The following IMMP2L variants were observed in gnomAD, a reference collection of about 807,000 sequenced individuals.
IMMP2L encodes the protein inner mitochondrial membrane peptidase subunit 2.
A neutral mutation model predicts 19.3 loss-of-function variants in IMMP2L; 18 were observed. That is an observed-to-expected ratio of 0.93 (90% CI 0.64 to 1.38). The LOEUF is 1.38. Among genes scored for constraint, IMMP2L ranks in the 40% most tolerant of loss-of-function variants. IMMP2L has a pLI of 0.00. For missense variants in IMMP2L, 233 were observed against 218.2 expected (o/e 1.07, Z -0.43); for synonymous variants, 76 against 73.0 (o/e 1.04, Z -0.21).
intron 3 of IMMP2L, among the ~76,000 whole-genome samples, chr7:111,050,288 T>C (rs1259697126): frequency 6.6e-6 from 1 of 152,180 alleles, no homozygotes; most frequent in Non-Finnish European, 1.5e-5. Flanking sequence ...AAATTCACCA[T>C]ATTTAAATTA....
intron 5 of IMMP2L, among the ~76,000 whole-genome samples, chr7:110,735,909 T>TTGGGGC (rs1349252885): frequency 6.7e-6 from 1 of 148,332 alleles, no homozygotes; most frequent in East Asian, 2.0e-4. Context: ...TCAGAGATTG[T>TTGGGGC]TGGGGCTGCC....
chr7:111,030,921 T>G (rs1366651248), intron 3 of IMMP2L, among the ~76,000 whole-genome samples: 1 of 85,440 alleles, frequency 1.2e-5, no homozygotes, highest in Non-Finnish European at 2.5e-5. Context: ...TATATATATA[T>G]ATATAAAATA....
chr7:110,980,227 CTT>C (rs1218434499), intron 3 of IMMP2L, among the ~76,000 whole-genome samples: 5 of 91,896 alleles, frequency 5.4e-5, no homozygotes, highest in South Asian at 3.7e-4. Flanking sequence ...TGTGCTGCTT[CTT>C]TTTTTTTTTT....
At chr7:111,355,781 A>G (rs1193520806) in intron 3 of IMMP2L, among the ~76,000 whole-genome samples, 1 of 151,940 alleles carries the variant, frequency 6.6e-6, no homozygotes, top group African/African-American at 2.4e-5. Flanking sequence ...GAGAACATAC[A>G]ATTAGTCTAT....
intron 3 of IMMP2L, among the ~76,000 whole-genome samples, chr7:111,256,617 A>G (rs867600450): frequency 1.3e-5 from 2 of 152,050 alleles, no homozygotes; most frequent in Admixed American, 6.6e-5. Flanking sequence ...CTATATGTCC[A>G]TTGTTCATAG....
chr7:110,670,405 C>T (rs935716813), intron 5 of IMMP2L, among the ~76,000 whole-genome samples: 10 of 152,088 alleles, frequency 6.6e-5, no homozygotes, highest in Admixed American at 2.6e-4. Context: ...AAAAACGCTA[C>T]GCAGCCGGGT....
intron 3 of IMMP2L, among the ~76,000 whole-genome samples, chr7:111,048,130 C>T (rs1792594958): frequency 1.4e-5 from 2 of 147,672 alleles, no homozygotes; most frequent in South Asian, 4.3e-4. Flanking sequence ...GTCCCAGCTA[C>T]TTGGGAGGCT....
chr7:111,510,269 C>T (rs151032524), intron 2 of IMMP2L, among the ~76,000 whole-genome samples: 1 of 152,226 alleles, frequency 6.6e-6, no homozygotes, highest in East Asian at 1.9e-4. Context: ...AGTGAGTGGA[C>T]TGACTCCACA....
intron 5 of IMMP2L, among the ~76,000 whole-genome samples, chr7:110,733,406 C>T (rs1404767077): frequency 6.6e-6 from 1 of 151,280 alleles, no homozygotes; most frequent in Admixed American, 6.6e-5. Flanking sequence ...ATTTTATTAG[C>T]CAAAATTTAG....
chr7:111,236,019 T>C (rs568680511), intron 3 of IMMP2L, among the ~76,000 whole-genome samples: 1 of 152,152 alleles, frequency 6.6e-6, no homozygotes, highest in Non-Finnish European at 1.5e-5. Context: ...CTCTAGAATA[T>C]AGATTTAAGT....
At chr7:111,292,595 T>C (rs1041398106) in intron 3 of IMMP2L, among the ~76,000 whole-genome samples, 2 of 151,974 alleles carry the variant, frequency 1.3e-5, no homozygotes, top group Non-Finnish European at 2.9e-5. Context: ...GTGTCACTAA[T>C]GAAAAGGAAA....
At chr7:111,459,065 T>C (rs2131988025) in intron 3 of IMMP2L, among the ~76,000 whole-genome samples, 1 of 152,222 alleles carries the variant, frequency 6.6e-6, no homozygotes. Flanking sequence ...TTATTGAAAA[T>C]AGCCACTAAA....
At chr7:110,891,238 G>GA (rs763078332) in intron 4 of IMMP2L, among the ~76,000 whole-genome samples, 4,084 of 97,024 alleles carry the variant, frequency 0.042, 138 homozygotes, top group African/African-American at 0.12. Context: ...GATAGAACCA[G>GA]AAAAAAAAAA....
chr7:110,887,542 T>C (rs1250675478), intron 4 of IMMP2L, among the ~76,000 whole-genome samples: 2 of 150,980 alleles, frequency 1.3e-5, no homozygotes, highest in East Asian at 1.9e-4. Flanking sequence ...ATCGGAAATA[T>C]AGACAAATTT....
intron 3 of IMMP2L, among the ~76,000 whole-genome samples, chr7:110,995,599 C>G (rs138956841): frequency 6.6e-6 from 1 of 152,100 alleles, no homozygotes; most frequent in Non-Finnish European, 1.5e-5. Flanking sequence ...ATGTTTGGTA[C>G]ACAGACTTTG....
At chr7:111,462,339 G>C (rs1393583992) in intron 3 of IMMP2L, among the ~76,000 whole-genome samples, 2 of 151,946 alleles carry the variant, frequency 1.3e-5, no homozygotes, top group Admixed American at 6.6e-5. Flanking sequence ...TCAAAACACA[G>C]CTTTGTGCCC....
At chr7:111,353,380 A>T (rs1344964002) in intron 3 of IMMP2L, among the ~76,000 whole-genome samples, 1 of 152,186 alleles carries the variant, frequency 6.6e-6, no homozygotes, top group Non-Finnish European at 1.5e-5. Context: ...TAATAATGTG[A>T]TGAGATCATC....
rs1242019233 is a variant in IMMP2L at position 110,663,557 on chromosome 7, A to G, written c.*45T>C. 4 of 1,601,686 alleles carry G rather than the reference A, an allele frequency of 2.5e-6. No homozygotes were observed. Among genetic ancestry groups the G allele is most frequent in the Non-Finnish European group, 3.4e-6 (4 of 1,170,528 alleles). On this transcript the variant is annotated 3_prime_UTR_variant, in exon 6 of 6. Transcript: ENST00000405709. ...AGGCTTCTTTTTTCCATTCCTTTCC[A>G]GTAACTGGCCTCCCAATGCCAGCAA...
At chr7:110,942,667 G>C (rs1486717860) in intron 4 of IMMP2L, among the ~76,000 whole-genome samples, 1 of 151,600 alleles carries the variant, frequency 6.6e-6, no homozygotes, top group East Asian at 1.9e-4. Flanking sequence ...TTGTCTCCCA[G>C]GCCACCAAGA....
Sources: gnomAD v4.1 joint callset for allele counts (sites outside exome capture counted in the v4.1 genomes callset) on GRCh38, gnomAD v4.1.1 for gene constraint, MANE v1.5 for transcripts, NCBI Gene and HGNC (gene_info 2026-07-23, HGNC 2026-07-21) for gene names.